Variants in FRMPD1 observed in about 807,000 individuals in gnomAD.
The protein encoded by FRMPD1 is FERM and PDZ domain containing 1.
A neutral mutation model predicts 117.8 loss-of-function variants in FRMPD1; 76 were observed. That is an observed-to-expected ratio of 0.65 (90% CI 0.54 to 0.78). FRMPD1 has a LOEUF of 0.78. FRMPD1 is among the 30% of genes least tolerant of loss of function. The probability of loss-of-function intolerance (pLI) is 0.00; values close to 1 mark genes in which losing one functional copy is unlikely to be tolerated. For synonymous variants in FRMPD1, 783 were observed against 770.4 expected, an observed-to-expected ratio of 1.02 and a Z score of -0.27; for missense variants, 1,786 against 1,964.5, an observed-to-expected ratio of 0.91 and a Z score of 1.72.
the FRMPD1 span, among the ~76,000 whole-genome samples, chr9:37,632,402 A>C: frequency 6.6e-6 from 1 of 152,228 alleles, no homozygotes; most frequent in East Asian, 1.9e-4. Context: ...AATGGAATTT[A>C]CTGTGGTATT....
rs57536797 is a variant in FRMPD1 at position 37,670,481 on chromosome 9, G to A, written c.-5+19387G>A. 8.9e-3 allele frequency among the ~76,000 whole-genome samples: 1,350 copies of A among 152,276 alleles called. 17 individuals carry two copies. The highest frequency in any genetic ancestry group is 0.031 in the African/African-American group (1,296 of 41,554). Reference sequence around the variant, plus strand: ...GGAATTTGACATTGAGAGTTTGGGCGTGGGTAAATAACATTCTAGGCAAAG... The same window carrying A: ...GGAATTTGACATTGAGAGTTTGGGCATGGGTAAATAACATTCTAGGCAAAG... On this transcript the variant is annotated intron_variant, in intron 1 of 15. Transcript: ENST00000377765.
At position 37,745,321 on chromosome 9, in the gene FRMPD1, T is replaced by G. The variant is rs1158238964; in HGVS notation, c.3289T>G (p.Ser1097Ala). ...AATAAATCCAGGAGAGAAGATAGCT[T>G]CTATCCCTACAAAGGAAGAGCCACA... ...CGINPGEKIA[S>A]IPTKEEPQGQ... Residue 1097 changes from serine (S) to alanine (A), a missense_variant, in exon 16 of 16, where the codon TCT becomes GCT. Transcript: ENST00000377765. 1.2e-6 allele frequency: 2 copies of G among 1,611,470 alleles called. No homozygotes were observed. The highest frequency in any genetic ancestry group is 2.7e-5 in the African/African-American group (2 of 74,876).
rs369057741 is a variant in FRMPD1, at chr9:37,740,315, A to T, written c.1787A>T (p.Glu596Val). 5 of 1,613,734 alleles carry T rather than the reference A, an allele frequency of 3.1e-6. No homozygotes were observed. In the African/African-American group the frequency reaches 5.3e-5, roughly 17 times the overall value. ...GAGGCGTCCGACTCAGCCAACACTG[A>T]GAGCCGCGGCTACAGGACCAGTGGC... is the stretch of plus-strand genomic sequence containing the variant. ...ESEASDSANT[E>V]SRGYRTSGSS... Residue 596 changes from glutamate (E) to valine (V), a missense_variant, in exon 15 of 16, where the codon GAG becomes GTG. Coordinates refer to ENST00000377765, the MANE Select transcript of FRMPD1 (RefSeq NM_014907.3). The surrounding 1 kb of genome is among the most constrained non-coding windows in gnomAD (Gnocchi z 4.2).
chr9:37,727,659 G>A (rs1823669221), intron 7 of FRMPD1, among the ~76,000 whole-genome samples: 2 of 152,064 alleles, frequency 1.3e-5, no homozygotes, highest in South Asian at 4.1e-4. Flanking sequence ...TAATGGTGTG[G>A]AGCTGCAGAA....
intron 1 of FRMPD1, among the ~76,000 whole-genome samples, chr9:37,677,008 C>T (rs148639264): frequency 9.9e-5 from 15 of 152,272 alleles, no homozygotes; most frequent in Non-Finnish European, 1.8e-4. Context: ...TCTAATGGAA[C>T]GAATTGCATT....
chr9:37,672,085 T>C (rs1237368350), intron 1 of FRMPD1, among the ~76,000 whole-genome samples: 1 of 151,542 alleles, frequency 6.6e-6, no homozygotes, highest in Non-Finnish European at 1.5e-5. Flanking sequence ...ATGAGGTTTC[T>C]TTCTTTTTGG....
chr9:37,619,759 GAA>G, the FRMPD1 span, among the ~76,000 whole-genome samples: 1 of 116,534 alleles, frequency 8.6e-6, no homozygotes, highest in Non-Finnish European at 1.8e-5. Context: ...CTCCAGCTCA[GAA>G]AAAAAAAAAA....
intron 1 of FRMPD1, among the ~76,000 whole-genome samples, chr9:37,669,314 G>A (rs1303280604): frequency 6.6e-6 from 1 of 152,192 alleles, no homozygotes. Flanking sequence ...TCTGCATTGA[G>A]GATTCTTCAA....
At chr9:37,653,010 G>T (rs540603451) in intron 1 of FRMPD1, among the ~76,000 whole-genome samples, 1 of 151,784 alleles carries the variant, frequency 6.6e-6, no homozygotes, top group Non-Finnish European at 1.5e-5. Context: ...GAGCTGGTAC[G>T]AGCAAGGAAC....
chr9:37,637,150 T>G, the FRMPD1 span: 1 of 1,609,728 alleles, frequency 6.2e-7, no homozygotes, highest in Non-Finnish European at 8.5e-7. Flanking sequence ...GCTCGATGGT[T>G]TGGATCTTGA....
chr9:37,729,687 C>G, intron 7 of FRMPD1, 41 bp from the exon 8 acceptor site: 1 of 1,607,056 alleles, frequency 6.2e-7, no homozygotes, highest in South Asian at 1.1e-5. Flanking sequence ...GAAGTCCTTC[C>G]TGTTTCTTGC....
At chr9:37,605,881 A>G in the FRMPD1 span, among the ~76,000 whole-genome samples, 1 of 151,934 alleles carries the variant, frequency 6.6e-6, no homozygotes, top group Non-Finnish European at 1.5e-5. Context: ...TAGTTTTTAA[A>G]TTTTATGTAG....
chr9:37,626,500 C>CAAAAAA, the FRMPD1 span, among the ~76,000 whole-genome samples: 1 of 87,270 alleles, frequency 1.1e-5, no homozygotes, highest in African/African-American at 4.5e-5. Flanking sequence ...GACTTAGTCT[C>CAAAAAA]AAAAAAAAAA....
At chr9:37,702,422 A>G (rs1822565706) in intron 2 of FRMPD1, among the ~76,000 whole-genome samples, 1 of 152,236 alleles carries the variant, frequency 6.6e-6, no homozygotes, top group South Asian at 2.1e-4. Context: ...AACTTTAAAT[A>G]AAGGTTTGGA....
At chr9:37,694,827 C>T (rs753964758) in intron 2 of FRMPD1, among the ~76,000 whole-genome samples, 3 of 150,486 alleles carry the variant, frequency 2.0e-5, no homozygotes, top group Non-Finnish European at 2.9e-5. Context: ...ATGTGTTCTT[C>T]TTTTGCTTAT....
intron 4 of FRMPD1, among the ~76,000 whole-genome samples, chr9:37,710,537 C>T (rs545344880): frequency 9.9e-4 from 151 of 152,274 alleles, no homozygotes; most frequent in African/African-American, 3.5e-3. Flanking sequence ...TTTGTGTGCC[C>T]AAACACCATA....
At chr9:37,715,298 G>C (rs1823072086) in intron 5 of FRMPD1, among the ~76,000 whole-genome samples, 1 of 152,138 alleles carries the variant, frequency 6.6e-6, no homozygotes, top group Non-Finnish European at 1.5e-5. Flanking sequence ...AGGATGCCAT[G>C]GGCCTCACAC....
chr9:37,724,395 C>A, intron 7 of FRMPD1, 75 bp downstream of exon 7: 1 of 748,708 alleles, frequency 1.3e-6, no homozygotes. Context: ...GCATCTTGCC[C>A]TGCATCTGCC....
chr9:37,685,370 G>A lies in FRMPD1; in HGVS notation c.-4-7268G>A, dbSNP rs560664314. On this transcript the variant is annotated intron_variant, in intron 1 of 15. Coordinates refer to ENST00000377765, the MANE Select transcript of FRMPD1 (RefSeq NM_014907.3). ...TAATAAATTTGCCTTTCGGCTGGGC[G>A]CAGTGGCTCACGCCTGTAATCCCAG... is the stretch of plus-strand genomic sequence containing the variant. 1.3e-3 allele frequency among the ~76,000 whole-genome samples: 191 copies of A among 152,174 alleles called. 1 individual carries two copies. The highest frequency in any genetic ancestry group is 1.4e-3 in the Non-Finnish European group (97 of 68,004).
Sources: gnomAD v4.1 joint callset for allele counts (sites outside exome capture counted in the v4.1 genomes callset) on GRCh38, gnomAD v4.1.1 for gene constraint, Gnocchi (gnomAD v3.1) non-coding constraint, MANE v1.5 for transcripts, NCBI Gene and HGNC (gene_info 2026-07-23, HGNC 2026-07-21) for gene names.